Variants in HIPK4 observed in about 807,000 individuals in gnomAD.
The protein encoded by HIPK4 is homeodomain interacting protein kinase 4, also known as homeodomain-interacting protein kinase 4.
In HIPK4, 26 loss-of-function variants were observed where a neutral mutation model predicts 44.8. That is an observed-to-expected ratio of 0.58 (90% CI 0.43 to 0.80). The LOEUF is 0.80. Ranked by LOEUF, HIPK4 falls within the 30% of genes least tolerant of loss-of-function variation. The pLI is 0.00. For missense variants in HIPK4, 729 were observed against 862.6 expected (o/e 0.85, Z 1.94); for synonymous variants, 340 against 355.5 (o/e 0.96, Z 0.49).
chr19:40,386,950 G>A (rs1355592701), intron 1 of HIPK4, among the ~76,000 whole-genome samples: 1 of 151,734 alleles, frequency 6.6e-6, no homozygotes, highest in African/African-American at 2.4e-5. Flanking sequence ...CACCTTCCAC[G>A]TTCAAGCGAT....
At position 40,383,406 on chromosome 19, in the gene HIPK4, A is replaced by G. The variant is rs574450601; in HGVS notation, c.822+377T>C. Among the ~76,000 whole-genome samples the G allele has an allele frequency of 2.6e-5, 4 of 151,492 alleles. No individual in the cohort carries two copies. In the East Asian group the frequency reaches 7.9e-4, roughly 30 times the overall value. Reference sequence around the variant, plus strand: ...CTCTGTTTTTTGTTCTTTTCACTCCATTCTTCTGGTCTGATAGATTTTTCT... The same window carrying G: ...CTCTGTTTTTTGTTCTTTTCACTCCGTTCTTCTGGTCTGATAGATTTTTCT... On this transcript the variant is annotated intron_variant, in intron 2 of 3. Transcript: ENST00000291823.
At chr19:40,384,635 C>A (rs1328573363) in intron 1 of HIPK4, among the ~76,000 whole-genome samples, 2 of 128,068 alleles carry the variant, frequency 1.6e-5, no homozygotes, top group African/African-American at 3.0e-5. Context: ...TTTTTGAGAC[C>A]GAGTCTCACT....
intron 2 of HIPK4, 46 bp from the exon 3 acceptor site, chr19:40,381,214 C>G (rs1311494024): frequency 6.6e-7 from 1 of 1,509,588 alleles, no homozygotes; most frequent in African/African-American, 1.4e-5. Flanking sequence ...TTGTGCAGGG[C>G]TAGGGCCCTG....
rs751763777 is a variant in HIPK4, at chr19:40,380,848, C to T, written c.1143G>A (p.Thr381=). 9 of 1,609,184 alleles carry T rather than the reference C, an allele frequency of 5.6e-6. No homozygotes were observed. The East Asian group carries it at 6.7e-5, about 12-fold the overall frequency. ...TCCCATCTTCTGCGGCCACGACGGG[C>T]GTGGGGGGCTTCCCCTCCACTTGCA... The part of the protein sequence containing the change: ...LSLQVEGKPP[T]PVVAAEDGTP... Residue 381 remains threonine, a synonymous_variant, in exon 3 of 4, where the codon ACG becomes ACA. Transcript: ENST00000291823. This position sits in a 1 kb window ranked among gnomAD's most constrained non-coding sequence, Gnocchi z 4.2.
intron 2 of HIPK4, 95 bp downstream of exon 2, chr19:40,383,688 C>T (rs530090631): frequency 2.1e-6 from 2 of 962,926 alleles, no homozygotes; most frequent in East Asian, 4.8e-5. Flanking sequence ...TCCCAAAGTG[C>T]TGGAATTACA....
In HIPK4 at chr19:40,390,161, T is replaced by C. The variant is rs780614039; in HGVS notation, c.-259A>G. The C allele has an allele frequency of 3.6e-5, 19 of 521,466 alleles. No individual in the cohort carries two copies. Among genetic ancestry groups the C allele is most frequent in the Non-Finnish European group, 5.9e-5 (17 of 287,624 alleles). 32.3% of individuals were successfully genotyped at this position (521,466 alleles called of 1,614,324 possible). ...ATGAGGGGCCCCAGGCCCCACCGAATGGGTTCCAGCGCTGTTGAGTGGCTC... is the reference window on the plus strand; with the variant it reads ...ATGAGGGGCCCCAGGCCCCACCGAACGGGTTCCAGCGCTGTTGAGTGGCTC... On this transcript the variant is annotated 5_prime_UTR_variant, in exon 1 of 4. Coordinates refer to ENST00000291823, the MANE Select transcript of HIPK4 (RefSeq NM_144685.5).
intron 1 of HIPK4, among the ~76,000 whole-genome samples, chr19:40,387,326 C>T (rs1393687281): frequency 1.3e-5 from 2 of 152,154 alleles, no homozygotes; most frequent in African/African-American, 2.4e-5. Context: ...TGTTCACACT[C>T]GTCACAGGCC....
At position 40,389,555 on chromosome 19, in the gene HIPK4, G is replaced by A; in HGVS notation, c.348C>T (p.Val116=). 4 of 1,613,952 alleles carry A rather than the reference G, an allele frequency of 2.5e-6. 1 individual carries two copies. The highest frequency in any genetic ancestry group is 3.3e-4 in the Middle Eastern group (2 of 6,062). ...CCAGGGCTGTGAGCACCTGCAGGGT[G>A]ACTGTACGGATGTGGCGGGCGGGGA... ...APLPARHIRT[V]TLQVLTALAR... Residue 116 remains valine (V), a synonymous_variant, in exon 1 of 4, where the codon GTC becomes GTT. Transcript: ENST00000291823. The surrounding 1 kb of genome is among the most constrained non-coding windows in gnomAD (Gnocchi z 4.6).
Position 40,383,970 on chromosome 19 carries a change from C to T in HIPK4, c.635G>A (p.Trp212Ter). The change falls in exon 2 of 4, where the codon TGG (tryptophan) becomes TAG (stop). Residue 212 changes from tryptophan to a stop codon, truncating the protein, a stop_gained. Transcript: ENST00000291823. LOFTEE classifies it high-confidence loss of function. ...CTCGTTGTTGCCGGGGTAGAGAGGC[C>T]AGCCCAGGTGCAGCTCAGCCATGAC... ...GCVMAELHLG[W>*]PLYPGNNEYD... 5 of 1,614,192 alleles carry T rather than the reference C, an allele frequency of 3.1e-6. No homozygotes were observed. Among genetic ancestry groups the T allele is most frequent in the Non-Finnish European group, 4.2e-6 (5 of 1,180,022 alleles).
At chr19:40,381,294 T>C in intron 2 of HIPK4, 126 bp from the exon 3 acceptor site, 2 of 791,944 alleles carry the variant, frequency 2.5e-6, no homozygotes, top group African/African-American at 1.7e-5. Context: ...CTTGGAGCTC[T>C]CTGGCTGCTA....
intron 1 of HIPK4, among the ~76,000 whole-genome samples, chr19:40,388,269 C>T (rs891196403): frequency 3.3e-5 from 5 of 152,276 alleles, no homozygotes; most frequent in Middle Eastern, 3.4e-3. Context: ...CCACCCGCCT[C>T]GGCCTCCCAA....
chr19:40,379,857 G>T, intron 3 of HIPK4, 88 bp from the exon 4 acceptor site: 1 of 1,346,976 alleles, frequency 7.4e-7, no homozygotes, highest in South Asian at 1.3e-5. Flanking sequence ...TGATGAGGGT[G>T]AGCATGTGCT....
In HIPK4 at chr19:40,379,739, T is replaced by C. The variant is rs757701990; in HGVS notation, c.1699A>G (p.Ser567Gly). The change falls in exon 4 of 4, where the codon AGC (serine) becomes GGC (glycine). Residue 567 changes from serine to glycine, a missense_variant. Coordinates refer to ENST00000291823, the MANE Select transcript of HIPK4 (RefSeq NM_144685.5). ...RPDPELFDPS[S>G]CPGEWLSEPD... is the part of the protein sequence containing the mutation. ...TCACTCAGCCATTCTCCAGGACAGC[T>C]GCTGGGGTCGAAGAGCTCAGGGTCT... 9 of 1,612,334 alleles carry C rather than the reference T, an allele frequency of 5.6e-6. No homozygotes were observed. The highest frequency in any genetic ancestry group is 2.2e-5 in the South Asian group (2 of 90,852).
intron 2 of HIPK4, 34 bp downstream of exon 2, chr19:40,383,749 C>T (rs765034874): frequency 2.5e-5 from 39 of 1,538,022 alleles, no homozygotes; most frequent in Non-Finnish European, 3.5e-5. Flanking sequence ...TAACAGCCCC[C>T]ACACTGACTG....
intron 1 of HIPK4, among the ~76,000 whole-genome samples, chr19:40,387,230 T>G (rs982424814): frequency 6.6e-6 from 1 of 152,042 alleles, no homozygotes; most frequent in Non-Finnish European, 1.5e-5. Flanking sequence ...TGTCTCTCTC[T>G]CTCTTTCCAT....
Position 40,390,123 on chromosome 19 carries a change from C to T in HIPK4, c.-221G>A. 3.5e-6 allele frequency: 2 copies of T among 574,808 alleles called. No individual in the cohort carries two copies. Among genetic ancestry groups the T allele is most frequent in the East Asian group, 2.9e-5 (1 of 34,980 alleles). 35.6% of individuals were successfully genotyped at this position (574,808 alleles called of 1,614,324 possible). A position where few individuals can be genotyped will look rare whatever the true frequency, so the allele number is the denominator to read the frequency against. ...GGGGCTGCACCCCTCCCCAGAAACC[C>T]TCCTGGCTTGGGATGAGGGGCCCCA... On this transcript the variant is annotated 5_prime_UTR_variant, in exon 1 of 4. Coordinates refer to ENST00000291823, the MANE Select transcript of HIPK4 (RefSeq NM_144685.5).
At position 40,389,402 on chromosome 19, in the gene HIPK4, CT is replaced by C. The variant is rs750176537; in HGVS notation, c.465+35del. ...AAGAAGCTGGGAAAAAGACAAGGAA[CT>C]AGGGACGCAGCCACCCTAGACGACC... On this transcript the variant is annotated intron_variant, in intron 1 of 3. Coordinates refer to ENST00000291823, the MANE Select transcript of HIPK4 (RefSeq NM_144685.5). The surrounding 1 kb of genome is among the most constrained non-coding windows in gnomAD (Gnocchi z 4.6). The C allele has an allele frequency of 6.9e-6, 9 of 1,303,572 alleles. No homozygotes were observed. The African/African-American group carries it at 1.3e-4, about 19-fold the overall frequency. The allele number at this position is 1,303,572 out of a possible 1,614,324, so 80.8% of individuals were successfully genotyped here. A position where few individuals can be genotyped will look rare whatever the true frequency, so the allele number is the denominator to read the frequency against.
chr19:40,389,867 G>A lies in HIPK4; in HGVS notation c.36C>T (p.Asp12=), dbSNP rs1471922305. The A allele has an allele frequency of 3.7e-6, 6 of 1,611,686 alleles. No homozygotes were observed. Among genetic ancestry groups the A allele is most frequent in the Admixed American group, 1.7e-5 (1 of 60,026 alleles). The change falls in exon 1 of 4, where the codon GAC becomes GAT. Residue 12 remains aspartate (D), a synonymous_variant. Coordinates refer to ENST00000291823, the MANE Select transcript of HIPK4 (RefSeq NM_144685.5). The surrounding 1 kb of genome is among the most constrained non-coding windows in gnomAD (Gnocchi z 4.6). ...TCCCCTTGCCCAAGACCTCGATGAT[G>A]TCGTAGCAGTCAGTCTCCGACTGGA... The part of the protein sequence containing the change: ...STIQSETDCY[D]IIEVLGKGTF...
rs368721964 is a variant in HIPK4, at chr19:40,381,741, G to A, written c.823-573C>T. ...AAGCCACAGAGGTAGCAGACTGGCT[G>A]CTGCCCCAAACCTCTAGACTCACCT... On this transcript the variant is annotated intron_variant, in intron 2 of 3. Transcript: ENST00000291823. 1.0e-4 allele frequency among the ~76,000 whole-genome samples: 15 copies of A among 147,444 alleles called. No homozygotes were observed. The South Asian group carries it at 3.2e-3, about 32-fold the overall frequency.
Sources: gnomAD v4.1 joint callset for allele counts (sites outside exome capture counted in the v4.1 genomes callset) on GRCh38, gnomAD v4.1.1 for gene constraint, Gnocchi (gnomAD v3.1) non-coding constraint, MANE v1.5 for transcripts, NCBI Gene and HGNC (gene_info 2026-07-23, HGNC 2026-07-21) for gene names.